The following TAF4 variants were observed in gnomAD, a reference collection of about 807,000 sequenced individuals.
TAF4 encodes the protein TATA-box binding protein associated factor 4.
In TAF4, 9 loss-of-function variants were observed where a neutral mutation model predicts 90.3. That is an observed-to-expected ratio of 0.10 (90% CI 0.06 to 0.17). The LOEUF (loss-of-function observed/expected upper bound fraction) is 0.17. TAF4 is among the 10% of genes least tolerant of loss of function. The probability of loss-of-function intolerance (pLI) is 1.00; values close to 1 mark genes in which losing one functional copy is unlikely to be tolerated. For missense variants in TAF4, 1,351 were observed against 1,370.7 expected (o/e 0.99, Z 0.23); for synonymous variants, 818 against 638.9 (o/e 1.28, Z -4.23).
intron 1 of TAF4, among the ~76,000 whole-genome samples, chr20:62,060,189 A>C (rs556329914): frequency 1.3e-5 from 2 of 152,330 alleles, no homozygotes; most frequent in Admixed American, 1.3e-4. Flanking sequence ...CCCTGGGAGA[A>C]GGCCAACTTC....
At chr20:62,016,742 T>C (rs2055814234) in intron 1 of TAF4, among the ~76,000 whole-genome samples, 1 of 152,140 alleles carries the variant, frequency 6.6e-6, no homozygotes, top group Non-Finnish European at 1.5e-5. Flanking sequence ...TAGATTCATC[T>C]CTCCTATTAG....
chr20:62,033,357 G>C (rs1475130521), intron 1 of TAF4, among the ~76,000 whole-genome samples: 1 of 152,188 alleles, frequency 6.6e-6, no homozygotes, highest in Non-Finnish European at 1.5e-5. Context: ...TAATAGGAAG[G>C]CATTTGATAC....
chr20:62,003,334 T>G (rs1426677718), intron 8 of TAF4, 60 bp from the exon 9 acceptor site: 6 of 1,415,070 alleles, frequency 4.2e-6, no homozygotes, highest in Non-Finnish European at 1.0e-6. Flanking sequence ...ACTATGTGCT[T>G]TGGTGCTTTA....
intron 14 of TAF4, among the ~76,000 whole-genome samples, chr20:61,990,550 G>A (rs533780460): frequency 1.6e-4 from 24 of 152,272 alleles, no homozygotes; most frequent in African/African-American, 5.3e-4. Flanking sequence ...GACGGGCCTG[G>A]ACCCAGGAGC....
chr20:62,012,710 C>A, intron 3 of TAF4, 105 bp downstream of exon 3: 7 of 1,344,838 alleles, frequency 5.2e-6, no homozygotes, highest in Non-Finnish European at 6.7e-6. Context: ...GACGTAGTAT[C>A]CAGTTTAAAA....
At chr20:62,018,962 C>T (rs2055827933) in intron 1 of TAF4, among the ~76,000 whole-genome samples, 1 of 152,068 alleles carries the variant, frequency 6.6e-6, no homozygotes, top group African/African-American at 2.4e-5. Flanking sequence ...ACCGCCGCCT[C>T]CCCCGCAACC....
At chr20:62,033,737 CAAAAAAA>C (rs760557566) in intron 1 of TAF4, among the ~76,000 whole-genome samples, 2 of 64,590 alleles carry the variant, frequency 3.1e-5, no homozygotes, top group Non-Finnish European at 6.2e-5. Flanking sequence ...GACTCCGTCT[CAAAAAAA>C]AAAAAAAAAG....
intron 6 of TAF4, 81 bp downstream of exon 6, chr20:62,007,466 C>T (rs2055753512): frequency 7.2e-7 from 1 of 1,394,406 alleles, no homozygotes; most frequent in African/African-American, 1.4e-5. Flanking sequence ...CTGGAGCATC[C>T]TCGCCCTGCA....
At chr20:62,018,107 G>C (rs893050294) in intron 1 of TAF4, among the ~76,000 whole-genome samples, 2 of 152,164 alleles carry the variant, frequency 1.3e-5, no homozygotes, top group Non-Finnish European at 2.9e-5. Flanking sequence ...GTAGCTTCTC[G>C]AGGCATTGAA....
In TAF4 at chr20:62,041,198, C is replaced by A. The variant is rs141979504; in HGVS notation, c.1360+23253G>T. ...GCCGACAGCAGAGGGCACAAGCAGA[C>A]CCTCTGGGGGGCTGAACGAAATGGG... is the stretch of plus-strand genomic sequence containing the variant. On this transcript the variant is annotated intron_variant, in intron 1 of 14. Coordinates refer to ENST00000252996, the MANE Select transcript of TAF4 (RefSeq NM_003185.4). 8.6e-3 allele frequency among the ~76,000 whole-genome samples: 1,307 copies of A among 152,318 alleles called. 19 individuals carry two copies. Among genetic ancestry groups the A allele is most frequent in the African/African-American group, 0.03 (1,233 of 41,574 alleles).
chr20:62,036,034 TAAAA>T (rs1345485499), intron 1 of TAF4, among the ~76,000 whole-genome samples: 57 of 132,812 alleles, frequency 4.3e-4, no homozygotes, highest in African/African-American at 1.1e-3. Flanking sequence ...TTTTTTTTTT[TAAAA>T]AAAAAAAAGA....
At chr20:62,050,429 A>G (rs2056020004) in intron 1 of TAF4, among the ~76,000 whole-genome samples, 1 of 152,096 alleles carries the variant, frequency 6.6e-6, no homozygotes, top group Non-Finnish European at 1.5e-5. Flanking sequence ...CCAAAACGCC[A>G]CAATGCCTGC....
chr20:61,995,555 T>G (rs1600832368), intron 14 of TAF4, among the ~76,000 whole-genome samples: 1 of 151,822 alleles, frequency 6.6e-6, no homozygotes, highest in South Asian at 2.1e-4. Context: ...CAGAAGAAAG[T>G]AAGATTGAAA....
chr20:62,054,365 G>T lies in TAF4; in HGVS notation c.1360+10086C>A, dbSNP rs1304451285. ...GACTTTCTGGCTCTAGAGATCTACA[G>T]ATCTGTGAATTTGTGCACGCCAACA... On this transcript the variant is annotated intron_variant, in intron 1 of 14. Coordinates refer to ENST00000252996, the MANE Select transcript of TAF4 (RefSeq NM_003185.4). Among the ~76,000 whole-genome samples the T allele has an allele frequency of 2.0e-5, 3 of 152,126 alleles. No individual in the cohort carries two copies. In the East Asian group the frequency reaches 5.8e-4, roughly 29 times the overall value.
chr20:62,006,513 C>A lies in TAF4; in HGVS notation c.2220G>T (p.Pro740=). The part of the protein sequence containing the change: ...VGVGKQGQPT[P]LVIQQPPKPG... Reference sequence around the variant, plus strand: ...CAGTCAGGCGCCCCTTCCATACCAGCGGTGTGGGTTGCCCCTGCTTGCCGA... The same window carrying A: ...CAGTCAGGCGCCCCTTCCATACCAGAGGTGTGGGTTGCCCCTGCTTGCCGA... The change falls in exon 7 of 15, where the codon CCG becomes CCT. Residue 740 remains proline, a synonymous_variant. Coordinates refer to ENST00000252996, the MANE Select transcript of TAF4 (RefSeq NM_003185.4). This position sits in a 1 kb window ranked among gnomAD's most constrained non-coding sequence, Gnocchi z 7.0. 1 of 1,523,428 alleles carries A rather than the reference C, an allele frequency of 6.6e-7. No homozygotes were observed. The highest frequency in any genetic ancestry group is 8.8e-7 in the Non-Finnish European group (1 of 1,135,524). 94.4% of individuals were successfully genotyped at this position (1,523,428 alleles called of 1,614,324 possible).
intron 14 of TAF4, among the ~76,000 whole-genome samples, chr20:61,992,210 G>A (rs547312892): frequency 2.6e-5 from 4 of 152,248 alleles, no homozygotes; most frequent in Admixed American, 1.3e-4. Flanking sequence ...CAAAGAGGGC[G>A]AAAGGGAGAG....
chr20:62,003,380 G>A, intron 8 of TAF4, 106 bp from the exon 9 acceptor site: 1 of 923,942 alleles, frequency 1.1e-6, no homozygotes. Context: ...CTCCTAATTA[G>A]CTACAAGAAA....
chr20:62,054,213 G>A (rs1340266683), intron 1 of TAF4, among the ~76,000 whole-genome samples: 1 of 152,218 alleles, frequency 6.6e-6, no homozygotes, highest in African/African-American at 2.4e-5. Context: ...CAAGCATGAA[G>A]GAGGCGGCCT....
At chr20:62,062,775 G>A (rs887298663) in intron 1 of TAF4, among the ~76,000 whole-genome samples, 49 of 152,144 alleles carry the variant, frequency 3.2e-4, no homozygotes, top group Admixed American at 1.8e-3. Context: ...CCTCCTCCCA[G>A]AAGAAAGAGA....
Sources: allele counts gnomAD v4.1 joint callset (sites outside exome capture counted in the v4.1 genomes callset), GRCh38; gene constraint gnomAD v4.1.1; non-coding constraint Gnocchi (gnomAD v3.1); transcripts MANE v1.5; gene names NCBI Gene and HGNC (gene_info 2026-07-23, HGNC 2026-07-21).